Variants in LRMDA observed in about 807,000 individuals in gnomAD.
The protein encoded by LRMDA is leucine-rich melanocyte differentiation-associated protein.
A neutral mutation model predicts 29.8 loss-of-function variants in LRMDA; 18 were observed. The observed-to-expected ratio is 0.60, with a 90% CI of 0.42 to 0.90. The LOEUF (loss-of-function observed/expected upper bound fraction) is 0.90. Ranked by LOEUF, LRMDA falls within the 40% of genes least tolerant of loss-of-function variation. The pLI, the probability that LRMDA is intolerant of heterozygous loss-of-function variation, is 0.00. For missense variants in LRMDA, 273 were observed against 273.9 expected, an observed-to-expected ratio of 1.00 and a Z score of 0.02; for synonymous variants, 125 against 109.4, an observed-to-expected ratio of 1.14 and a Z score of -0.89.
chr10:76,039,302 C>G (rs1278829122), intron 3 of LRMDA, among the ~76,000 whole-genome samples: 1 of 152,122 alleles, frequency 6.6e-6, no homozygotes, highest in Non-Finnish European at 1.5e-5. Flanking sequence ...ATAAAGGGAG[C>G]CCTAGAAACA....
chr10:75,448,200 C>A (rs1299309597), intron 2 of LRMDA, among the ~76,000 whole-genome samples: 3 of 152,236 alleles, frequency 2.0e-5, no homozygotes, highest in Non-Finnish European at 4.4e-5. Context: ...TCCATATTTT[C>A]TGCAGCATTT....
At chr10:75,686,480 C>G (rs1392554258) in intron 2 of LRMDA, among the ~76,000 whole-genome samples, 1 of 152,242 alleles carries the variant, frequency 6.6e-6, no homozygotes. Flanking sequence ...CCCAACCAGA[C>G]TGTAAACTCC....
intron 5 of LRMDA, among the ~76,000 whole-genome samples, chr10:76,167,919 T>C (rs550044112): frequency 2.0e-5 from 3 of 152,186 alleles, no homozygotes; most frequent in Non-Finnish European, 4.4e-5. Flanking sequence ...TTGTGTCATT[T>C]CTGATTTTTT....
chr10:76,198,026 A>G (rs781757578), intron 5 of LRMDA, among the ~76,000 whole-genome samples: 28 of 152,202 alleles, frequency 1.8e-4, no homozygotes, highest in Non-Finnish European at 3.4e-4. Context: ...CCCAGGCTAC[A>G]TGAGATCTTG....
Position 76,344,053 on chromosome 10 carries a change from C to G in LRMDA, c.601+19568C>G, listed in dbSNP as rs535030200. Among the ~76,000 whole-genome samples the G allele has an allele frequency of 1.4e-3, 210 of 152,048 alleles. 1 individual carries two copies. The highest frequency in any genetic ancestry group is 2.5e-3 in the Non-Finnish European group (167 of 67,974). On this transcript the variant is annotated intron_variant, in intron 6 of 6. Transcript: ENST00000611255. ...GCCAAGCTGGTCTTGAACTCCTGAC[C>G]TCAGGCAATCCACCCTCCTCAGCCT...
chr10:76,173,021 C>G lies in LRMDA; in HGVS notation c.516+114238C>G, dbSNP rs75861168. ...CTATTATAACTCTATCCTGTATGCT[C>G]AAGAAGGTAAAGGAAAGCATGAAAG... On this transcript the variant is annotated intron_variant, in intron 5 of 6. Coordinates refer to ENST00000611255, the MANE Select transcript of LRMDA (RefSeq NM_001305581.2). Among the ~76,000 whole-genome samples, 635 of 150,972 alleles carry G rather than the reference C, an allele frequency of 4.2e-3. 3 individuals are homozygous for G. Among genetic ancestry groups the G allele is most frequent in the African/African-American group, 0.012 (496 of 40,972 alleles).
At chr10:75,958,671 G>C (rs1414459086) in intron 2 of LRMDA, among the ~76,000 whole-genome samples, 1 of 152,184 alleles carries the variant, frequency 6.6e-6, no homozygotes, top group African/African-American at 2.4e-5. Context: ...TGAAGGAAAA[G>C]GGAATAGAAT....
intron 2 of LRMDA, among the ~76,000 whole-genome samples, chr10:75,621,070 G>A (rs1453128240): frequency 6.6e-6 from 1 of 152,124 alleles, no homozygotes; most frequent in African/African-American, 2.4e-5. Context: ...TCCCACATAT[G>A]AGTGAGAACA....
intron 5 of LRMDA, among the ~76,000 whole-genome samples, chr10:76,191,804 GATGT>G (rs1383668246): frequency 6.6e-6 from 1 of 152,128 alleles, no homozygotes; most frequent in African/African-American, 2.4e-5. Context: ...ATTTATAAGT[GATGT>G]ATCCAACTTA....
intron 2 of LRMDA, among the ~76,000 whole-genome samples, chr10:75,994,646 C>G (rs1012681225): frequency 2.6e-5 from 4 of 152,196 alleles, no homozygotes; most frequent in Non-Finnish European, 4.4e-5. Flanking sequence ...AAGACCAAGT[C>G]GTTGATGTCC....
At chr10:76,051,882 A>G (rs1222702392) in intron 4 of LRMDA, among the ~76,000 whole-genome samples, 3 of 152,194 alleles carry the variant, frequency 2.0e-5, no homozygotes, top group Non-Finnish European at 4.4e-5. Flanking sequence ...TCTCCCCAAC[A>G]CTTTAAAAAC....
intron 6 of LRMDA, among the ~76,000 whole-genome samples, chr10:76,333,628 G>A (rs972261599): frequency 6.6e-6 from 1 of 152,126 alleles, no homozygotes; most frequent in African/African-American, 2.4e-5. Context: ...GAGGGCTCAG[G>A]CATCAGAGAA....
intron 5 of LRMDA, among the ~76,000 whole-genome samples, chr10:76,290,357 A>C (rs1228102594): frequency 6.7e-6 from 1 of 149,040 alleles, no homozygotes; most frequent in Non-Finnish European, 1.5e-5. Flanking sequence ...TATTTATATT[A>C]GTGATTTCTT....
At chr10:76,119,848 T>A (rs1849748555) in intron 5 of LRMDA, among the ~76,000 whole-genome samples, 1 of 152,334 alleles carries the variant, frequency 6.6e-6, no homozygotes, top group South Asian at 2.1e-4. Flanking sequence ...TCCATTTATA[T>A]TTTAATCATG....
intron 6 of LRMDA, among the ~76,000 whole-genome samples, chr10:76,426,736 G>A (rs1487345398): frequency 1.3e-5 from 2 of 152,164 alleles, no homozygotes; most frequent in Admixed American, 1.3e-4. Flanking sequence ...ATGGTTTTAG[G>A]TCTAACATTT....
intron 5 of LRMDA, among the ~76,000 whole-genome samples, chr10:76,287,733 C>G (rs1354108120): frequency 3.3e-5 from 5 of 152,080 alleles, no homozygotes; most frequent in African/African-American, 1.2e-4. Context: ...AAAAAAAGTT[C>G]TTGCTAAAAA....
At chr10:75,529,478 T>G (rs1018629707) in intron 2 of LRMDA, among the ~76,000 whole-genome samples, 1 of 151,892 alleles carries the variant, frequency 6.6e-6, no homozygotes, top group African/African-American at 2.4e-5. Flanking sequence ...AACAAGAGAG[T>G]AAACCAGAAA....
At chr10:76,018,377 C>G (rs1057112079) in intron 2 of LRMDA, among the ~76,000 whole-genome samples, 2 of 152,164 alleles carry the variant, frequency 1.3e-5, no homozygotes, top group Non-Finnish European at 2.9e-5. Flanking sequence ...TGGGGAACAA[C>G]ATAGCCCCCA....
intron 5 of LRMDA, among the ~76,000 whole-genome samples, chr10:76,242,652 A>G (rs923883415): frequency 6.6e-6 from 1 of 152,186 alleles, no homozygotes; most frequent in Non-Finnish European, 1.5e-5. Context: ...GTTAAGGGCC[A>G]ACCCTACTCC....
Sources: allele counts gnomAD v4.1 joint callset (sites outside exome capture counted in the v4.1 genomes callset), GRCh38; gene constraint gnomAD v4.1.1; transcripts MANE v1.5; gene names NCBI Gene and HGNC (gene_info 2026-07-23, HGNC 2026-07-21).